DOCK9: variants seen among roughly 807,000 people sequenced by gnomAD.
The protein encoded by DOCK9 is dedicator of cytokinesis protein 9.
In DOCK9, 89 loss-of-function variants were observed where a neutral mutation model predicts 263.3. The ratio of observed to expected loss-of-function variants is 0.34; its 90% CI spans 0.28 to 0.40. The LOEUF (loss-of-function observed/expected upper bound fraction) is 0.40, where lower values mean the gene tolerates loss of function less well. DOCK9 is among the 10% of genes least tolerant of loss of function. The pLI, the probability that DOCK9 is intolerant of heterozygous loss-of-function variation, is 1.00. For synonymous variants in DOCK9, 976 were observed against 973.1 expected, an observed-to-expected ratio of 1.00 and a Z score of -0.06; for missense variants, 2,140 against 2,603.4, an observed-to-expected ratio of 0.82 and a Z score of 3.87.
chr13:98,908,702 G>T (rs1346010239), intron 9 of DOCK9, among the ~76,000 whole-genome samples: 1 of 152,100 alleles, frequency 6.6e-6, no homozygotes, highest in Non-Finnish European at 1.5e-5. Context: ...ATTTCTATGA[G>T]CAATCAGTTT....
chr13:98,969,483 CATT>C (rs1333257156), intron 1 of DOCK9, among the ~76,000 whole-genome samples: 1 of 151,120 alleles, frequency 6.6e-6, no homozygotes, highest in East Asian at 1.9e-4. Context: ...AGAGCTTTGA[CATT>C]ATATCAGACA....
At chr13:98,848,882 T>G (rs1025584597) in intron 36 of DOCK9, among the ~76,000 whole-genome samples, 1 of 152,070 alleles carries the variant, frequency 6.6e-6, no homozygotes, top group African/African-American at 2.4e-5. Flanking sequence ...GGTGGCTGGC[T>G]AAAGCAACAC....
At chr13:98,947,802 G>A (rs1178576555) in intron 2 of DOCK9, among the ~76,000 whole-genome samples, 1 of 152,046 alleles carries the variant, frequency 6.6e-6, no homozygotes, top group Admixed American at 6.6e-5. Flanking sequence ...CACTGCACCC[G>A]GCCCAGAAAT....
At chr13:98,936,012 G>A (rs1264720230) in intron 2 of DOCK9, among the ~76,000 whole-genome samples, 2 of 152,114 alleles carry the variant, frequency 1.3e-5, no homozygotes, top group Non-Finnish European at 2.9e-5. Context: ...GTAGTATTCT[G>A]ATCTGCTTGT....
chr13:98,970,937 G>A (rs1439805953), intron 1 of DOCK9, among the ~76,000 whole-genome samples: 1 of 152,114 alleles, frequency 6.6e-6, no homozygotes, highest in Non-Finnish European at 1.5e-5. Flanking sequence ...CTTACACTGG[G>A]TGGAATTCCA....
At chr13:99,076,696 G>A (rs541492231) in intron 1 of DOCK9, among the ~76,000 whole-genome samples, 12 of 152,220 alleles carry the variant, frequency 7.9e-5, no homozygotes, top group Middle Eastern at 3.4e-3. Flanking sequence ...TAGGAAATAC[G>A]AAAAGGATAA....
rs1317580161 is a variant in DOCK9, at chr13:98,845,061, C to T, written c.4198+863G>A. 3.9e-5 allele frequency among the ~76,000 whole-genome samples: 6 copies of T among 152,182 alleles called. No individual in the cohort carries two copies. The South Asian group carries it at 1.2e-3, about 32-fold the overall frequency. On this transcript the variant is annotated intron_variant, in intron 38 of 52. Transcript: ENST00000682017. ...TATAAATGATCTCATCAATTTTTCA[C>T]GTGCTGTATGGTTGATATCTTTCAG... is the stretch of plus-strand genomic sequence containing the variant.
At chr13:98,949,727 G>T (rs907401505) in intron 2 of DOCK9, 4 of 295,710 alleles carry the variant, frequency 1.4e-5, no homozygotes, top group African/African-American at 6.6e-5. Flanking sequence ...GTTGGGTTCA[G>T]CTGGTGGATG....
intron 36 of DOCK9, 22 bp downstream of exon 36, chr13:98,850,025 G>A: frequency 6.5e-7 from 1 of 1,532,666 alleles, no homozygotes; most frequent in Non-Finnish European, 8.9e-7. Context: ...AAGAGGCAGT[G>A]ATCAAAGAGA....
chr13:98,817,541 C>T (rs1362563267), intron 45 of DOCK9, among the ~76,000 whole-genome samples: 1 of 141,896 alleles, frequency 7.0e-6, no homozygotes, highest in Non-Finnish European at 1.5e-5. Context: ...GATCCTCCAG[C>T]CTCTGCCTTC....
At position 98,800,405 on chromosome 13, in the gene DOCK9, G is replaced by A. The variant is rs775822351; in HGVS notation, c.5799C>T (p.Ile1933=). ...TACTCATCTCGTCAATGGCCACCTC[G>A]ATGGGGTTCAGGTCAGTGTGGTGCT... ...MYQHHTDLNP[I]EVAIDEMSKK... is the part of the protein sequence containing the mutation. Residue 1933 remains isoleucine (I), a synonymous_variant, in exon 50 of 53, where the codon ATC becomes ATT. Coordinates refer to ENST00000682017, the MANE Select transcript of DOCK9 (RefSeq NM_001366683.2). 3 of 1,613,974 alleles carry A rather than the reference G, an allele frequency of 1.9e-6. No individual in the cohort carries two copies. The highest frequency in any genetic ancestry group is 1.3e-5 in the African/African-American group (1 of 75,022).
intron 1 of DOCK9, among the ~76,000 whole-genome samples, chr13:98,975,918 C>T (rs1274810585): frequency 6.6e-6 from 1 of 152,244 alleles, no homozygotes; most frequent in African/African-American, 2.4e-5. Context: ...TGTCTGCCTC[C>T]TTCTGAAAAA....
In DOCK9 at chr13:99,040,351, C is replaced by CT. The variant is rs201023570; in HGVS notation, c.129+45871dup. Among the ~76,000 whole-genome samples, 1,507 of 152,208 alleles carry CT rather than the reference C, an allele frequency of 9.9e-3. 14 individuals are homozygous for CT. The highest frequency in any genetic ancestry group is 0.017 in the Non-Finnish European group (1,160 of 68,014). On this transcript the variant is annotated intron_variant, in intron 1 of 32. Coordinates refer to the DOCK9 transcript ENST00000427887. ...ACAGCAGCCCAAACTAAGGCAAGTC[C>CT]TTTTTATAACACAGTCAGCAGGAGC...
intron 49 of DOCK9, among the ~76,000 whole-genome samples, chr13:98,800,706 C>G (rs1216269551): frequency 2.0e-5 from 3 of 152,128 alleles, no homozygotes; most frequent in Non-Finnish European, 4.4e-5. Context: ...TCCTTGTTAT[C>G]CTTTTAATGT....
At chr13:98,958,802 C>CT (rs557099514) in intron 1 of DOCK9, among the ~76,000 whole-genome samples, 18 of 152,156 alleles carry the variant, frequency 1.2e-4, no homozygotes, top group Non-Finnish European at 2.5e-4. Flanking sequence ...ATGTTTACAA[C>CT]TCTTAACATA....
chr13:98,840,265 G>T (rs773439146), intron 38 of DOCK9, among the ~76,000 whole-genome samples: 5 of 152,190 alleles, frequency 3.3e-5, no homozygotes, highest in Non-Finnish European at 7.3e-5. Context: ...TTTGACCCGG[G>T]CAAGTAAGGA....
chr13:98,863,544 G>A lies in DOCK9; in HGVS notation c.3291C>T (p.Leu1097=), dbSNP rs1290328198. The change falls in exon 31 of 53, where the codon CTC becomes CTT. Residue 1097 remains leucine (L), a synonymous_variant. Transcript: ENST00000682017. The part of the protein sequence containing the change: ...GKGRIQRYQD[L]QLDYSLTDEF... Reference sequence around the variant, plus strand: ...CATCTGTTAATGAGTAGTCAAGCTGGAGGTCTGAAATGAGGATAGAAACTA... The same window carrying A: ...CATCTGTTAATGAGTAGTCAAGCTGAAGGTCTGAAATGAGGATAGAAACTA... The A allele has an allele frequency of 3.1e-6, 5 of 1,608,674 alleles. No homozygotes were observed. Among genetic ancestry groups the A allele is most frequent in the Admixed American group, 1.7e-5 (1 of 59,188 alleles).
Position 98,935,749 on chromosome 13 carries a change from C to G in DOCK9, c.244-5492G>C, listed in dbSNP as rs146054380. ...CGCCACTGCACTCCAGACTGGGTGA[C>G]AGAATGAGAGCCTGTCTCAAAAAAT... On this transcript the variant is annotated intron_variant, in intron 2 of 52. Transcript: ENST00000682017. 4.6e-3 allele frequency among the ~76,000 whole-genome samples: 696 copies of G among 152,160 alleles called. 2 individuals are homozygous for G. Among genetic ancestry groups the G allele is most frequent in the Non-Finnish European group, 7.6e-3 (518 of 68,016 alleles).
rs561520619 is a variant in DOCK9 at position 98,958,684 on chromosome 13, C to A, written c.127-3133G>T. Among the ~76,000 whole-genome samples, 220 of 152,322 alleles carry A rather than the reference C, an allele frequency of 1.4e-3. 7 individuals are homozygous for A. In the South Asian group the frequency reaches 0.045, roughly 31 times the overall value. On this transcript the variant is annotated intron_variant, in intron 1 of 52. Transcript: ENST00000682017. ...ACAGCCTGCTTTAGAGTTATCTTTA[C>A]CCCCTAATAGAGTTAATCCCCTTTC... is the stretch of plus-strand genomic sequence containing the variant.
Sources: gnomAD v4.1 joint callset for allele counts (sites outside exome capture counted in the v4.1 genomes callset) on GRCh38, gnomAD v4.1.1 for gene constraint, MANE v1.5 for transcripts, NCBI Gene and HGNC (gene_info 2026-07-23, HGNC 2026-07-21) for gene names.